Variants in CLDN16 observed in about 807,000 individuals in gnomAD.
The protein encoded by CLDN16 is claudin-16.
A neutral mutation model predicts 24.6 loss-of-function variants in CLDN16; 13 were observed. The observed-to-expected ratio is 0.53, with a 90% confidence interval of 0.34 to 0.84. The LOEUF (loss-of-function observed/expected upper bound fraction) is 0.84. Ranked by LOEUF, CLDN16 falls within the 40% of genes least tolerant of loss-of-function variation. CLDN16 has a pLI of 0.01. For synonymous variants in CLDN16, 116 were observed against 106.7 expected (o/e 1.09, Z -0.54); for missense variants, 298 against 292.7 (o/e 1.02, Z -0.13).
In CLDN16 at chr3:190,381,089, T is replaced by C. The variant is rs1393860792; in HGVS notation, n.306+6486T>C. Among the ~76,000 whole-genome samples the C allele has an allele frequency of 2.6e-5, 4 of 152,096 alleles. No individual in the cohort carries two copies. In the East Asian group the frequency reaches 7.8e-4, roughly 29 times the overall value. ...ACTGGAATACAAATGACAAATAAAC[T>C]ACAAAGGCTGCAAATTCAGGAAGCC... On this transcript the variant is annotated intron_variant and non_coding_transcript_variant, in intron 3 of 4. Coordinates refer to the CLDN16 transcript ENST00000468220.
At chr3:190,312,016 C>T in the CLDN16 span, among the ~76,000 whole-genome samples, 2 of 150,624 alleles carry the variant, frequency 1.3e-5, no homozygotes, top group South Asian at 2.1e-4. Context: ...GGTGCGATCT[C>T]GGCTCCCGAG....
chr3:190,291,436 A>C, the CLDN16 span, among the ~76,000 whole-genome samples: 1 of 152,142 alleles, frequency 6.6e-6, no homozygotes, highest in Admixed American at 6.5e-5. Flanking sequence ...AACAGAAGTG[A>C]AGAGAGAAGA....
chr3:190,346,794 T>C (rs971771123), intron 1 of CLDN16, among the ~76,000 whole-genome samples: 1 of 152,190 alleles, frequency 6.6e-6, no homozygotes, highest in Non-Finnish European at 1.5e-5. Flanking sequence ...CCCCAGCCTC[T>C]GCCTTTCCAC....
At chr3:190,386,411 G>A (rs1718498448), upstream of CLDN16, among the ~76,000 whole-genome samples, 1 of 152,112 alleles carries the variant, frequency 6.6e-6, no homozygotes, top group African/African-American at 2.4e-5. Flanking sequence ...GACCCTCAGT[G>A]GATGTCAGAA....
chr3:190,302,758 T>A, the CLDN16 span, among the ~76,000 whole-genome samples: 1 of 102,740 alleles, frequency 9.7e-6, no homozygotes, highest in Non-Finnish European at 1.9e-5. Context: ...GCAACAGGAG[T>A]GAAACCCTGT....
chr3:190,311,943 TC>T, the CLDN16 span, among the ~76,000 whole-genome samples: 1 of 108,688 alleles, frequency 9.2e-6, no homozygotes, highest in East Asian at 2.8e-4. Flanking sequence ...AACAGATATT[TC>T]TTTTCTTTTC....
upstream of CLDN16, among the ~76,000 whole-genome samples, chr3:190,386,960 G>A (rs146142843): frequency 6.6e-6 from 1 of 152,146 alleles, no homozygotes; most frequent in African/African-American, 2.4e-5. Context: ...ATGGAAAAAA[G>A]TAATCCTTTT....
At chr3:190,308,229 G>C in the CLDN16 span, 1 of 1,601,844 alleles carries the variant, frequency 6.2e-7, no homozygotes, top group Non-Finnish European at 8.6e-7. Context: ...GTATCTCAAT[G>C]TCCATTTTCG....
chr3:190,333,125 C>T (rs1717218565), intron 1 of CLDN16, among the ~76,000 whole-genome samples: 1 of 152,106 alleles, frequency 6.6e-6, no homozygotes, highest in South Asian at 2.1e-4. Flanking sequence ...TGATAAACAA[C>T]TGAGACTCTT....
chr3:190,331,423 A>G (rs1392981548), intron 1 of CLDN16, among the ~76,000 whole-genome samples: 2 of 152,234 alleles, frequency 1.3e-5, no homozygotes, highest in East Asian at 3.8e-4. Flanking sequence ...TAGGCAGGAT[A>G]TAGAAAGTAG....
the CLDN16 span, among the ~76,000 whole-genome samples, chr3:190,300,960 C>T: frequency 2.6e-5 from 4 of 152,030 alleles, no homozygotes; most frequent in Non-Finnish European, 2.9e-5. Context: ...AAGATGGATC[C>T]GGTAATGAGA....
chr3:190,343,745 TA>T (rs1560083407), intron 1 of CLDN16, among the ~76,000 whole-genome samples: 1 of 151,892 alleles, frequency 6.6e-6, no homozygotes, highest in Admixed American at 6.6e-5. Flanking sequence ...TATGGAATCT[TA>T]AAAAAATGGC....
upstream of CLDN16, among the ~76,000 whole-genome samples, chr3:190,383,532 T>C (rs1718415488): frequency 6.6e-6 from 1 of 152,138 alleles, no homozygotes; most frequent in African/African-American, 2.4e-5. Flanking sequence ...CAGATACTCA[T>C]ATCACTGGAA....
the CLDN16 span, among the ~76,000 whole-genome samples, chr3:190,302,123 A>G: frequency 6.6e-6 from 1 of 152,130 alleles, no homozygotes; most frequent in Non-Finnish European, 1.5e-5. Flanking sequence ...GGGAACTTGC[A>G]TATGTTATTT....
chr3:190,383,900 T>A (rs1718426482), upstream of CLDN16, among the ~76,000 whole-genome samples: 1 of 152,218 alleles, frequency 6.6e-6, no homozygotes. Flanking sequence ...ATTTATTGCT[T>A]ATTTATTGAG....
At chr3:190,307,039 A>G in the CLDN16 span, 1 of 152,812 alleles carries the variant, frequency 6.5e-6, no homozygotes, top group African/African-American at 2.4e-5. Context: ...TAAAGACACT[A>G]CATAGGCATA....
upstream of CLDN16, chr3:190,321,961 C>A (rs1716933749): frequency 1.2e-6 from 2 of 1,607,720 alleles, no homozygotes; most frequent in Non-Finnish European, 1.7e-6. Context: ...TGGACGGCCG[C>A]TGTGAGGTGG....
At chr3:190,353,084 T>C (rs554401755) in intron 1 of CLDN16, among the ~76,000 whole-genome samples, 1 of 152,186 alleles carries the variant, frequency 6.6e-6, no homozygotes, top group African/African-American at 2.4e-5. Context: ...TTTTGTAAAA[T>C]GGGATAAACA....
At chr3:190,326,017 G>A (rs1717052370) in intron 1 of CLDN16, among the ~76,000 whole-genome samples, 1 of 152,156 alleles carries the variant, frequency 6.6e-6, no homozygotes, top group South Asian at 2.1e-4. Context: ...CTTTGAGAGG[G>A]TAGTGAGGGG....
Sources: gnomAD v4.1 joint callset for allele counts (sites outside exome capture counted in the v4.1 genomes callset) on GRCh38, gnomAD v4.1.1 for gene constraint, MANE v1.5 for transcripts, NCBI Gene and HGNC (gene_info 2026-07-23, HGNC 2026-07-21) for gene names.